HEG1: variants seen among roughly 807,000 people sequenced by gnomAD.
The protein encoded by HEG1 is protein HEG homolog 1.
HEG1 carries 56 observed loss-of-function variants against 125.6 expected under a neutral mutation model. The ratio of observed to expected loss-of-function variants is 0.45; its 90% CI spans 0.36 to 0.56. The LOEUF (loss-of-function observed/expected upper bound fraction) is 0.56, where lower values mean the gene tolerates loss of function less well. Among genes scored for constraint, HEG1 ranks in the 20% least tolerant of loss-of-function variants. HEG1 has a pLI of 0.00. For synonymous variants in HEG1, 644 were observed against 668.5 expected, an observed-to-expected ratio of 0.96 and a Z score of 0.57; for missense variants, 1,523 against 1,670.0, an observed-to-expected ratio of 0.91 and a Z score of 1.53.
chr3:125,022,814 G>A (rs999054590), intron 3 of HEG1, among the ~76,000 whole-genome samples: 1 of 152,140 alleles, frequency 6.6e-6, no homozygotes, highest in Non-Finnish European at 1.5e-5. Context: ...CCAAATTACA[G>A]CCTCATTAGC....
At chr3:124,990,495 C>G (rs567647596) in intron 14 of HEG1, among the ~76,000 whole-genome samples, 1 of 152,122 alleles carries the variant, frequency 6.6e-6, no homozygotes, top group Non-Finnish European at 1.5e-5. Flanking sequence ...TGTGCCATCA[C>G]ACCCAGCTAA....
chr3:125,027,592 C>G (rs556201832), intron 2 of HEG1, 85 bp from the exon 3 acceptor site: 1 of 1,086,140 alleles, frequency 9.2e-7, no homozygotes, highest in African/African-American at 1.6e-5. Flanking sequence ...GTTCTGACAT[C>G]TACAAAATAT....
chr3:124,974,935 C>T (rs1936508285), intron 15 of HEG1, among the ~76,000 whole-genome samples: 1 of 152,180 alleles, frequency 6.6e-6, no homozygotes. Context: ...ACTACCTTCT[C>T]TTCTCAGGAG....
At position 125,055,968 on chromosome 3, in the gene HEG1, G is replaced by T. The variant is rs1937933381; in HGVS notation, c.-78C>A. The T allele has an allele frequency of 1.3e-6, 1 of 784,818 alleles. No individual in the cohort carries two copies. The allele number at this position is 784,818 out of a possible 1,614,324, so 48.6% of individuals were successfully genotyped here. A position where few individuals can be genotyped will look rare whatever the true frequency, so the allele number is the denominator to read the frequency against. ...GGGCAGCGGGCAGCGGGCGGCGGGG[G>T]CCGCGCGGGGCCGGGGAAGTGAGCG... is the stretch of plus-strand genomic sequence containing the variant. On this transcript the variant is annotated 5_prime_UTR_variant, in exon 1 of 17. Coordinates refer to ENST00000311127, the MANE Select transcript of HEG1 (RefSeq NM_020733.2).
chr3:124,988,967 A>G (rs1936788388), intron 14 of HEG1, among the ~76,000 whole-genome samples: 1 of 152,190 alleles, frequency 6.6e-6, no homozygotes, highest in South Asian at 2.1e-4. Context: ...CTCTCTACTC[A>G]TATGACTATA....
At chr3:125,015,416 C>T (rs1359579091) in intron 5 of HEG1, among the ~76,000 whole-genome samples, 1 of 152,172 alleles carries the variant, frequency 6.6e-6, no homozygotes, top group Non-Finnish European at 1.5e-5. Context: ...CCATAGTCCT[C>T]CTTGGAAGGC....
At chr3:124,980,306 A>C (rs1418579831) in intron 14 of HEG1, among the ~76,000 whole-genome samples, 1 of 152,116 alleles carries the variant, frequency 6.6e-6, no homozygotes, top group African/African-American at 2.4e-5. Flanking sequence ...TTTTTTCCTA[A>C]AGACCAGAGT....
intron 1 of HEG1, among the ~76,000 whole-genome samples, chr3:125,031,708 C>CA (rs1224869977): frequency 6.7e-6 from 1 of 149,980 alleles, no homozygotes; most frequent in Non-Finnish European, 1.5e-5. Context: ...CATATACCCC[C>CA]CACACACACA....
intron 1 of HEG1, among the ~76,000 whole-genome samples, chr3:125,035,651 T>C (rs934769052): frequency 3.3e-5 from 5 of 152,110 alleles, no homozygotes; most frequent in Non-Finnish European, 7.3e-5. Flanking sequence ...TTATAACAAA[T>C]TTCTTTCAAG....
At chr3:124,979,122 T>G (rs1936605518) in intron 14 of HEG1, among the ~76,000 whole-genome samples, 1 of 151,980 alleles carries the variant, frequency 6.6e-6, no homozygotes, top group Non-Finnish European at 1.5e-5. Context: ...GCTAATTTTT[T>G]TGTGTTTTTA....
chr3:125,010,469 G>A lies in HEG1; in HGVS notation c.3043C>T (p.Pro1015Ser). 1 of 1,557,428 alleles carries A rather than the reference G, an allele frequency of 6.4e-7. No homozygotes were observed. Among genetic ancestry groups the A allele is most frequent in the South Asian group, 1.2e-5 (1 of 84,262 alleles). The change falls in exon 7 of 17, where the codon CCT becomes TCT. Residue 1015 changes from proline (P) to serine (S), a missense_variant. Pro to Ser is a moderately conservative substitution (Grantham distance 74, BLOSUM62 -1). Coordinates refer to ENST00000311127, the MANE Select transcript of HEG1 (RefSeq NM_020733.2). ...TSRGYHCRCP[P>S]SWQGDDCSVD... is the part of the protein sequence containing the mutation. ...CTGCAATCATCCCCTTGCCAGGAAG[G>A]CGGGCACCTGCAGTGGTAGCCACGG...
chr3:124,984,945 T>TA (rs1222600017), intron 14 of HEG1, among the ~76,000 whole-genome samples: 4 of 152,196 alleles, frequency 2.6e-5, no homozygotes, highest in African/African-American at 9.7e-5. Flanking sequence ...AACGTAACAT[T>TA]ATAAAATTAC....
chr3:125,002,355 A>C (rs1188953325), intron 9 of HEG1, 40 bp from the exon 10 acceptor site: 16 of 1,567,482 alleles, frequency 1.0e-5, no homozygotes, highest in Non-Finnish European at 1.4e-5. Context: ...AGTGAGTTAG[A>C]CAAAAGCCTT....
chr3:124,991,065 T>G, intron 12 of HEG1, 79 bp from the exon 13 acceptor site: 1 of 1,082,796 alleles, frequency 9.2e-7, no homozygotes, highest in Non-Finnish European at 1.4e-6. Context: ...CCAGCCACCC[T>G]AAAGTCCACA....
At chr3:125,047,786 C>T (rs1937698362) in intron 1 of HEG1, among the ~76,000 whole-genome samples, 1 of 152,220 alleles carries the variant, frequency 6.6e-6, no homozygotes, top group Non-Finnish European at 1.5e-5. Flanking sequence ...CTCCAGATGA[C>T]AAGCAGGTGT....
chr3:125,043,373 G>A (rs1272342090), intron 1 of HEG1, among the ~76,000 whole-genome samples: 1 of 152,122 alleles, frequency 6.6e-6, no homozygotes, highest in Non-Finnish European at 1.5e-5. Flanking sequence ...AAAGATGAAG[G>A]ACCTTGGAGT....
chr3:125,019,650 C>A, intron 4 of HEG1, 53 bp from the exon 5 acceptor site: 1 of 1,440,440 alleles, frequency 6.9e-7, no homozygotes, highest in Non-Finnish European at 9.5e-7. Flanking sequence ...AAAGAGATCC[C>A]TTGGCAACTA....
At chr3:124,987,566 G>A (rs1158184008) in intron 14 of HEG1, among the ~76,000 whole-genome samples, 11 of 140,902 alleles carry the variant, frequency 7.8e-5, no homozygotes, top group Admixed American at 3.0e-4. Flanking sequence ...TGTGTCGCCC[G>A]GGCCAGAGTG....
chr3:125,003,095 C>T (rs1190738501), intron 9 of HEG1, among the ~76,000 whole-genome samples: 4 of 152,182 alleles, frequency 2.6e-5, no homozygotes, highest in Admixed American at 2.0e-4. Flanking sequence ...TCTATGACAT[C>T]AGTGTATAGC....
Sources: gnomAD v4.1 joint callset for allele counts (sites outside exome capture counted in the v4.1 genomes callset) on GRCh38, gnomAD v4.1.1 for gene constraint, MANE v1.5 for transcripts, NCBI Gene and HGNC (gene_info 2026-07-23, HGNC 2026-07-21) for gene names.